Variants in HTR7 observed in about 807,000 individuals in gnomAD.
HTR7 encodes the protein 5-hydroxytryptamine receptor 7, also known as 5-HT-7.
Under a neutral mutation model 34.0 loss-of-function variants are expected in HTR7, and 16 were observed. The ratio of observed to expected loss-of-function variants is 0.47; its 90% CI spans 0.32 to 0.71. HTR7 has a LOEUF of 0.71. HTR7 is among the 30% of genes least tolerant of loss of function. HTR7 has a pLI of 0.04. For synonymous variants in HTR7, 265 were observed against 260.2 expected, an observed-to-expected ratio of 1.02 and a Z score of -0.18; for missense variants, 504 against 625.5, an observed-to-expected ratio of 0.81 and a Z score of 2.07.
chr10:90,839,406 C>A (rs1025293498), intron 1 of HTR7, among the ~76,000 whole-genome samples: 1 of 152,080 alleles, frequency 6.6e-6, no homozygotes, highest in Non-Finnish European at 1.5e-5. Context: ...ATATTGATAG[C>A]CCCTTTTTGG....
chr10:90,844,095 A>T (rs948298398), intron 1 of HTR7, among the ~76,000 whole-genome samples: 2 of 152,236 alleles, frequency 1.3e-5, no homozygotes, highest in Non-Finnish European at 2.9e-5. Context: ...CTTTACAGAA[A>T]AAAAGTGTTT....
intron 1 of HTR7, among the ~76,000 whole-genome samples, chr10:90,801,677 G>A (rs964183840): frequency 4.6e-5 from 7 of 152,216 alleles, no homozygotes; most frequent in African/African-American, 1.7e-4. Flanking sequence ...GGCATAGCCA[G>A]TAGGATCCCC....
At chr10:90,815,015 C>A (rs1564691603) in intron 1 of HTR7, among the ~76,000 whole-genome samples, 1 of 151,944 alleles carries the variant, frequency 6.6e-6, no homozygotes, top group East Asian at 1.9e-4. Context: ...AAGGGTAAAA[C>A]GGTCATAAAA....
chr10:90,748,166 G>A (rs141626643), intron 2 of HTR7, among the ~76,000 whole-genome samples: 4 of 152,210 alleles, frequency 2.6e-5, no homozygotes, highest in African/African-American at 9.6e-5. Context: ...TTAGAGGCGA[G>A]TCTTGCTCTG....
At chr10:90,827,780 A>G (rs1846101530) in intron 1 of HTR7, among the ~76,000 whole-genome samples, 1 of 152,242 alleles carries the variant, frequency 6.6e-6, no homozygotes, top group African/African-American at 2.4e-5. Context: ...CAATGATAGC[A>G]GGAGACCTCA....
chr10:90,799,836 C>T (rs972928097), intron 1 of HTR7, among the ~76,000 whole-genome samples: 6 of 152,020 alleles, frequency 3.9e-5, no homozygotes, highest in African/African-American at 1.5e-4. Flanking sequence ...TTTGCCCCAC[C>T]ACACTAAAAC....
intron 1 of HTR7, among the ~76,000 whole-genome samples, chr10:90,816,709 C>T (rs1199113570): frequency 6.6e-6 from 1 of 152,118 alleles, no homozygotes; most frequent in African/African-American, 2.4e-5. Flanking sequence ...TATGAATCTC[C>T]CTAATTTGAT....
intron 1 of HTR7, among the ~76,000 whole-genome samples, chr10:90,766,211 G>T (rs1021026994): frequency 6.6e-6 from 1 of 152,088 alleles, no homozygotes; most frequent in Non-Finnish European, 1.5e-5. Context: ...AATGTTAAAT[G>T]CATAAATATT....
chr10:90,831,055 C>A (rs1846162475), intron 1 of HTR7, among the ~76,000 whole-genome samples: 1 of 151,102 alleles, frequency 6.6e-6, no homozygotes, highest in African/African-American at 2.4e-5. Context: ...GAAGGTTGTA[C>A]TACATAATCT....
chr10:90,754,501 A>T (rs919863795), intron 1 of HTR7, among the ~76,000 whole-genome samples: 12 of 152,212 alleles, frequency 7.9e-5, no homozygotes, highest in African/African-American at 2.9e-4. Flanking sequence ...AGAAAGCAGG[A>T]TGCTTATAAA....
At chr10:90,841,820 T>C (rs1212122634) in intron 1 of HTR7, among the ~76,000 whole-genome samples, 1 of 152,024 alleles carries the variant, frequency 6.6e-6, no homozygotes. Flanking sequence ...GCCATCATGG[T>C]GAAAACTCAT....
chr10:90,833,604 T>C (rs992594596), intron 1 of HTR7, among the ~76,000 whole-genome samples: 2 of 152,228 alleles, frequency 1.3e-5, no homozygotes, highest in African/African-American at 4.8e-5. Flanking sequence ...AAAAATTTCT[T>C]GGGGAGTTGT....
intron 1 of HTR7, among the ~76,000 whole-genome samples, chr10:90,795,884 T>C (rs532284784): frequency 2.6e-5 from 4 of 152,310 alleles, no homozygotes; most frequent in Non-Finnish European, 4.4e-5. Context: ...GATTTTAACA[T>C]GTTCTGATTG....
intron 1 of HTR7, among the ~76,000 whole-genome samples, chr10:90,850,245 C>T (rs1846477935): frequency 6.6e-6 from 1 of 152,230 alleles, no homozygotes; most frequent in Non-Finnish European, 1.5e-5. Context: ...GAGGAAAGAA[C>T]ATTTAAAGTT....
chr10:90,857,550 G>A lies in HTR7; in HGVS notation c.122C>T (p.Ala41Val). The A allele has an allele frequency of 6.3e-7, 1 of 1,599,770 alleles. No homozygotes were observed. The highest frequency in any genetic ancestry group is 8.5e-7 in the Non-Finnish European group (1 of 1,174,132). Residue 41 changes from alanine to valine, a missense_variant, in exon 1 of 4, where the codon GCG (alanine) becomes GTG (valine). By Grantham distance (64) the Ala-to-Val change is moderately conservative (BLOSUM62 0). Around this residue, in one of 4 missense-constraint regions of HTR7, gnomAD observed 139 missense variants for 117.1 expected, o/e 1.19. Transcript: ENST00000336152. The surrounding 1 kb of genome is among the most constrained non-coding windows in gnomAD (Gnocchi z 6.5). ...LSPDGGADPV[A>V]GSWAPHLLSE... ...CAGCAGGTGCGGCGCCCAGGAGCCC[G>A]CGACCGGGTCGGCGCCACCGTCGGG... is the stretch of plus-strand genomic sequence containing the variant.
chr10:90,842,322 T>C (rs1212671060), intron 1 of HTR7, among the ~76,000 whole-genome samples: 1 of 152,214 alleles, frequency 6.6e-6, no homozygotes, highest in Non-Finnish European at 1.5e-5. Context: ...GATCTTGGAC[T>C]TCCCAGCCTC....
At chr10:90,797,431 G>A (rs1158654829) in intron 1 of HTR7, among the ~76,000 whole-genome samples, 3 of 152,150 alleles carry the variant, frequency 2.0e-5, no homozygotes, top group African/African-American at 7.2e-5. Context: ...AAACTTGTTA[G>A]AATTGTATCA....
chr10:90,856,521 A>C (rs1413967251), intron 1 of HTR7, among the ~76,000 whole-genome samples: 1 of 152,232 alleles, frequency 6.6e-6, no homozygotes, highest in Non-Finnish European at 1.5e-5. Flanking sequence ...AGAACCAGCC[A>C]TTCAGACCTG....
chr10:90,762,034 G>A (rs1844945969), intron 1 of HTR7, among the ~76,000 whole-genome samples: 1 of 152,216 alleles, frequency 6.6e-6, no homozygotes, highest in Middle Eastern at 3.4e-3. Context: ...CTCATCCCTT[G>A]ACAGACACTT....
Sources: allele counts gnomAD v4.1 joint callset (sites outside exome capture counted in the v4.1 genomes callset), GRCh38; gene constraint gnomAD v4.1.1; regional missense constraint gnomAD v4.1.1; non-coding constraint Gnocchi (gnomAD v3.1); transcripts MANE v1.5; gene names NCBI Gene and HGNC (gene_info 2026-07-23, HGNC 2026-07-21).